Variants in GULP1 observed in about 807,000 individuals in gnomAD.
The protein encoded by GULP1 is PTB domain-containing engulfment adapter protein 1.
In GULP1, 19 loss-of-function variants were observed where a neutral mutation model predicts 40.9. That is an observed-to-expected ratio of 0.46 (90% CI 0.32 to 0.68). GULP1 has a LOEUF of 0.68. GULP1 is among the 30% of genes least tolerant of loss of function. The probability of loss-of-function intolerance (pLI) is 0.03; values close to 1 mark genes in which losing one functional copy is unlikely to be tolerated. For synonymous variants in GULP1, 119 were observed against 117.6 expected (o/e 1.01, Z -0.08); for missense variants, 312 against 362.2 (o/e 0.86, Z 1.12).
chr2:188,493,253 C>A (rs564426480), intron 4 of GULP1, among the ~76,000 whole-genome samples: 1 of 151,970 alleles, frequency 6.6e-6, no homozygotes, highest in African/African-American at 2.4e-5. Context: ...TTCTTTGCCT[C>A]AGAACATTAG....
chr2:188,364,699 A>G (rs980550196), intron 1 of GULP1, among the ~76,000 whole-genome samples: 1 of 132,698 alleles, frequency 7.5e-6, no homozygotes, highest in African/African-American at 2.8e-5. Flanking sequence ...TGGGATATGT[A>G]TGTGTGTGTG....
At chr2:188,454,582 C>G (rs2059107073) in intron 2 of GULP1, among the ~76,000 whole-genome samples, 1 of 152,138 alleles carries the variant, frequency 6.6e-6, no homozygotes, top group Non-Finnish European at 1.5e-5. Context: ...CTCTATCTGC[C>G]TAGGCATTTG....
intron 2 of GULP1, among the ~76,000 whole-genome samples, chr2:188,388,740 A>T (rs1158474729): frequency 6.6e-6 from 1 of 152,162 alleles, no homozygotes; most frequent in African/African-American, 2.4e-5. Context: ...AACGATGAAG[A>T]CATAATCTCT....
intron 1 of GULP1, among the ~76,000 whole-genome samples, chr2:188,370,714 C>T (rs10439261): frequency 0.024 from 3,587 of 152,006 alleles, 155 homozygotes; most frequent in African/African-American, 0.082. Context: ...TAAATTGCTT[C>T]TCTGCAAAGT....
intron 2 of GULP1, among the ~76,000 whole-genome samples, chr2:188,399,489 G>C (rs1324841953): frequency 6.6e-6 from 1 of 151,906 alleles, no homozygotes; most frequent in African/African-American, 2.4e-5. Context: ...GAACCAAGAC[G>C]GAGGGCGAAT....
chr2:188,366,527 T>C (rs188463473), intron 1 of GULP1, among the ~76,000 whole-genome samples: 56 of 152,144 alleles, frequency 3.7e-4, no homozygotes, highest in South Asian at 2.3e-3. Context: ...TGCATGTCTG[T>C]CTATCTACAA....
intron 7 of GULP1, chr2:188,541,797 A>G (rs1032819698): frequency 5.7e-6 from 1 of 175,196 alleles, no homozygotes; most frequent in African/African-American, 2.4e-5. Flanking sequence ...CTGAAAATTT[A>G]GTTCCTTATG....
At chr2:188,542,795 T>G (rs1690881963) in intron 7 of GULP1, among the ~76,000 whole-genome samples, 1 of 152,208 alleles carries the variant, frequency 6.6e-6, no homozygotes, top group Non-Finnish European at 1.5e-5. Flanking sequence ...GATTCTTTTC[T>G]CTATGACTGA....
At chr2:188,361,049 G>A (rs1027667564) in intron 1 of GULP1, among the ~76,000 whole-genome samples, 6 of 152,158 alleles carry the variant, frequency 3.9e-5, no homozygotes, top group East Asian at 1.9e-4. Context: ...ACTGCATTGC[G>A]TAATATTGCG....
intron 2 of GULP1, among the ~76,000 whole-genome samples, chr2:188,396,811 G>A (rs35061764): frequency 2.6e-5 from 4 of 152,180 alleles, no homozygotes; most frequent in Admixed American, 6.5e-5. Context: ...AGGCTTCCAC[G>A]AAATTTCCTG....
intron 2 of GULP1, among the ~76,000 whole-genome samples, chr2:188,449,516 T>C (rs75004259): frequency 0.015 from 2,350 of 152,270 alleles, 70 homozygotes; most frequent in African/African-American, 0.054. Flanking sequence ...GGGGATAGCA[T>C]TATGGAACTC....
intron 7 of GULP1, among the ~76,000 whole-genome samples, chr2:188,566,257 A>G (rs1217580150): frequency 6.6e-6 from 1 of 152,124 alleles, no homozygotes; most frequent in Non-Finnish European, 1.5e-5. Context: ...ACTTTACAAA[A>G]TTGCAGTTTC....
At chr2:188,427,761 G>A (rs1009462114) in intron 2 of GULP1, among the ~76,000 whole-genome samples, 4 of 152,236 alleles carry the variant, frequency 2.6e-5, no homozygotes, top group Admixed American at 1.3e-4. Context: ...AACCCTCATG[G>A]AGAACCTCTA....
In GULP1 at chr2:188,316,679, C is replaced by T. The variant is rs545518325; in HGVS notation, c.-172+24513C>T. 9.9e-5 allele frequency among the ~76,000 whole-genome samples: 15 copies of T among 152,256 alleles called. No individual in the cohort carries two copies. In the South Asian group the frequency reaches 3.1e-3, roughly 32 times the overall value. ...ACCTCCATATTTAAAATCACAACTC[C>T]TTGGTATTTCCCATTAATCCTATTT... On this transcript the variant is annotated intron_variant, in intron 1 of 11. Transcript: ENST00000409830.
At chr2:188,463,754 A>G (rs552556112) in intron 2 of GULP1, among the ~76,000 whole-genome samples, 4 of 151,950 alleles carry the variant, frequency 2.6e-5, no homozygotes, top group Non-Finnish European at 5.9e-5. Flanking sequence ...AAGCCCACTA[A>G]TTCTTTCCTC....
At chr2:188,497,242 C>A (rs890340153) in intron 4 of GULP1, among the ~76,000 whole-genome samples, 1 of 151,920 alleles carries the variant, frequency 6.6e-6, no homozygotes, top group Non-Finnish European at 1.5e-5. Flanking sequence ...AATAAATTAA[C>A]AAATGAATAT....
intron 1 of GULP1, among the ~76,000 whole-genome samples, chr2:188,373,860 T>C (rs1198941178): frequency 2.0e-5 from 3 of 152,022 alleles, no homozygotes; most frequent in Non-Finnish European, 4.4e-5. Flanking sequence ...ATTATTAAAT[T>C]AGGAAGTGCT....
At chr2:188,574,684 T>A (rs543886494) in intron 9 of GULP1, among the ~76,000 whole-genome samples, 1 of 152,050 alleles carries the variant, frequency 6.6e-6, no homozygotes, top group South Asian at 2.1e-4. Context: ...ACAACAAAAC[T>A]TGGCTAGATA....
At chr2:188,588,687 A>G (rs998592902) in intron 11 of GULP1, 1 of 152,156 alleles carries the variant, frequency 6.6e-6, no homozygotes, top group African/African-American at 2.4e-5. Flanking sequence ...CACCAATTAT[A>G]TGAAGCTGAT....
Sources: allele counts gnomAD v4.1 joint callset (sites outside exome capture counted in the v4.1 genomes callset), GRCh38; gene constraint gnomAD v4.1.1; transcripts MANE v1.5; gene names NCBI Gene and HGNC (gene_info 2026-07-23, HGNC 2026-07-21).